TAMM41: variants seen among roughly 807,000 people sequenced by gnomAD.
TAMM41 encodes the protein TAM41 mitochondrial translocator assembly and maintenance homolog, also known as phosphatidate cytidylyltransferase, mitochondrial.
TAMM41 carries 36 observed loss-of-function variants against 44.1 expected under a neutral mutation model. The observed-to-expected ratio is 0.82, with a 90% CI of 0.63 to 1.08. The LOEUF is 1.08. TAMM41 is among the 50% of genes least tolerant of loss of function. The pLI is 0.00. For synonymous variants in TAMM41, 164 were observed against 153.1 expected, an observed-to-expected ratio of 1.07 and a Z score of -0.53; for missense variants, 417 against 404.3, an observed-to-expected ratio of 1.03 and a Z score of -0.27.
downstream of TAMM41, among the ~76,000 whole-genome samples, chr3:11,787,129 C>T (rs969227984): frequency 2.6e-5 from 4 of 152,158 alleles, no homozygotes; most frequent in African/African-American, 7.2e-5. Flanking sequence ...CACAACATGG[C>T]GGCTGGGTTG....
chr3:11,842,394 C>CA (rs35950192), intron 2 of TAMM41, among the ~76,000 whole-genome samples: 5 of 108,240 alleles, frequency 4.6e-5, no homozygotes, highest in South Asian at 3.3e-4. Flanking sequence ...AACTCCATCT[C>CA]AAAAAAAAAA....
chr3:11,729,538 CATTTTTTTTT>C, the TAMM41 span, among the ~76,000 whole-genome samples: 18 of 65,514 alleles, frequency 2.7e-4, no homozygotes, highest in African/African-American at 8.4e-4. Context: ...TTCTTTCTTT[CATTTTTTTTT>C]TTTTTTTTTT....
At chr3:11,815,463 C>T (rs2078242927) in intron 5 of TAMM41, among the ~76,000 whole-genome samples, 1 of 152,018 alleles carries the variant, frequency 6.6e-6, no homozygotes, top group African/African-American at 2.4e-5. Context: ...GATGACTGAC[C>T]TAAGCAACTG....
At chr3:11,807,262 C>T in intron 7 of TAMM41, 1 of 1,433,026 alleles carries the variant, frequency 7.0e-7, no homozygotes, top group South Asian at 1.6e-5. Flanking sequence ...TTAGCCAAAA[C>T]CACCAGACAA....
intron 4 of TAMM41, among the ~76,000 whole-genome samples, chr3:11,823,595 T>A (rs1242015748): frequency 6.6e-6 from 1 of 151,860 alleles, no homozygotes; most frequent in Non-Finnish European, 1.5e-5. Context: ...ATATTCTGGA[T>A]ACTAGTCCCT....
chr3:11,742,570 T>G, the TAMM41 span, among the ~76,000 whole-genome samples: 1 of 149,370 alleles, frequency 6.7e-6, no homozygotes. Context: ...AGCTTTTATG[T>G]GAACATGCCC....
At chr3:11,743,125 C>A in the TAMM41 span, among the ~76,000 whole-genome samples, 1 of 152,144 alleles carries the variant, frequency 6.6e-6, no homozygotes, top group South Asian at 2.1e-4. Context: ...AGAGCAGAGG[C>A]CACCAAAAAC....
chr3:11,738,730 A>G, the TAMM41 span, among the ~76,000 whole-genome samples: 4 of 152,264 alleles, frequency 2.6e-5, no homozygotes, highest in South Asian at 8.3e-4. Flanking sequence ...CCTATTCCTC[A>G]TACCTGTGGT....
chr3:11,761,946 CAAAAAAAAA>C, the TAMM41 span, among the ~76,000 whole-genome samples: 16 of 75,030 alleles, frequency 2.1e-4, no homozygotes, highest in East Asian at 7.7e-4. Context: ...GACTCTGTCT[CAAAAAAAAA>C]AAAAAAAAAA....
intron 7 of TAMM41, among the ~76,000 whole-genome samples, chr3:11,800,830 T>G (rs1330297069): frequency 1.3e-5 from 2 of 152,180 alleles, no homozygotes; most frequent in African/African-American, 4.8e-5. Context: ...TACAGAACAT[T>G]CTTCCCAACA....
At chr3:11,817,512 G>C (rs749687776) in intron 4 of TAMM41, among the ~76,000 whole-genome samples, 175 bp from the exon 5 acceptor site, 21 of 152,178 alleles carry the variant, frequency 1.4e-4, no homozygotes, top group Non-Finnish European at 2.6e-4. Flanking sequence ...GTGAGCACTT[G>C]TTTGGAGGAA....
the TAMM41 span, among the ~76,000 whole-genome samples, chr3:11,767,626 A>ATTTTTTTTTCTTTTTTTT: frequency 1.6e-5 from 1 of 60,692 alleles, no homozygotes; most frequent in East Asian, 4.2e-4. Context: ...CACGTTGTGC[A>ATTTTTTTTTCTTTTTTTT]TTTTTTTTTT....
chr3:11,846,381 T>G, intron 1 of TAMM41, 121 bp downstream of exon 1: 1 of 1,179,906 alleles, frequency 8.5e-7, no homozygotes, highest in African/African-American at 1.5e-5. Context: ...TGGTTCACTC[T>G]GCTAGTGGAC....
At chr3:11,757,939 G>T in the TAMM41 span, among the ~76,000 whole-genome samples, 1 of 152,194 alleles carries the variant, frequency 6.6e-6, no homozygotes, top group African/African-American at 2.4e-5. Flanking sequence ...GGGGGACACT[G>T]AAGAAACCAA....
At chr3:11,777,925 C>T in the TAMM41 span, among the ~76,000 whole-genome samples, 1 of 152,298 alleles carries the variant, frequency 6.6e-6, no homozygotes, top group Non-Finnish European at 1.5e-5. Context: ...AGCCCCCAAG[C>T]CCCCCATTAC....
At chr3:11,804,488 AT>A (rs896318038) in intron 7 of TAMM41, among the ~76,000 whole-genome samples, 5 of 152,218 alleles carry the variant, frequency 3.3e-5, no homozygotes, top group African/African-American at 1.2e-4. Context: ...AAGAAAGGGA[AT>A]TTTTTAAAAA....
chr3:11,830,251 T>C (rs923772695), intron 3 of TAMM41, among the ~76,000 whole-genome samples: 1 of 152,222 alleles, frequency 6.6e-6, no homozygotes, highest in African/African-American at 2.4e-5. Context: ...ACCTCATCTG[T>C]AATCTTGGAC....
chr3:11,807,717 A>T (rs1018652737), intron 7 of TAMM41, 116 bp downstream of exon 7: 3 of 1,536,226 alleles, frequency 2.0e-6, no homozygotes. Context: ...GTTTATGGCC[A>T]TCAAAGCTCA....
At chr3:11,842,638 G>A (rs921586533) in intron 2 of TAMM41, among the ~76,000 whole-genome samples, 3 of 152,088 alleles carry the variant, frequency 2.0e-5, no homozygotes, top group African/African-American at 4.8e-5. Context: ...AGATTGCAAT[G>A]AGCGGAGATG....
Sources: allele counts gnomAD v4.1 joint callset (sites outside exome capture counted in the v4.1 genomes callset), GRCh38; gene constraint gnomAD v4.1.1; transcripts MANE v1.5; gene names NCBI Gene and HGNC (gene_info 2026-07-23, HGNC 2026-07-21).